SLC2A9: variants seen among roughly 807,000 people sequenced by gnomAD.
The protein encoded by SLC2A9 is solute carrier family 2 member 9.
A neutral mutation model predicts 50.6 loss-of-function variants in SLC2A9; 39 were observed. That is an observed-to-expected ratio of 0.77 (90% CI 0.60 to 1.01). SLC2A9 has a LOEUF of 1.01. Ranked by LOEUF, SLC2A9 falls within the 50% of genes least tolerant of loss-of-function variation. The pLI, the probability that SLC2A9 is intolerant of heterozygous loss-of-function variation, is 0.00. For synonymous variants in SLC2A9, 324 were observed against 276.9 expected, an observed-to-expected ratio of 1.17 and a Z score of -1.69; for missense variants, 686 against 677.6, an observed-to-expected ratio of 1.01 and a Z score of -0.14.
intron 6 of SLC2A9, among the ~76,000 whole-genome samples, chr4:9,933,805 G>A (rs1440410274): frequency 6.6e-6 from 1 of 152,190 alleles, no homozygotes; most frequent in Non-Finnish European, 1.5e-5. Context: ...CCGCCTGCTT[G>A]TCTTTTCCAG....
intron 2 of SLC2A9, among the ~76,000 whole-genome samples, chr4:10,011,786 AAGG>A (rs1761803188): frequency 6.6e-6 from 1 of 152,212 alleles, no homozygotes; most frequent in Non-Finnish European, 1.5e-5. Flanking sequence ...GAACAAAAGA[AAGG>A]AGATTAGAAA....
chr4:9,962,883 A>C lies in SLC2A9; in HGVS notation c.681+17709T>G, dbSNP rs77265107. 3.7e-3 allele frequency among the ~76,000 whole-genome samples: 569 copies of C among 152,164 alleles called. 3 individuals carry two copies. The highest frequency in any genetic ancestry group is 4.0e-3 in the Non-Finnish European group (275 of 68,020). ...TCACTCTCAGTTTCTAAATGTGCAGAGCTCCCTCTTGTTCTTTTTTTGTTT... is the reference window on the plus strand; with the variant it reads ...TCACTCTCAGTTTCTAAATGTGCAGCGCTCCCTCTTGTTCTTTTTTTGTTT... On this transcript the variant is annotated intron_variant, in intron 5 of 11. Transcript: ENST00000264784.
At chr4:9,793,585 T>C (rs1179650884) in intron 3 of SLC2A9, among the ~76,000 whole-genome samples, 6 of 152,240 alleles carry the variant, frequency 3.9e-5, no homozygotes, top group African/African-American at 1.4e-4. Flanking sequence ...AGGGCCCTGA[T>C]TGATTTTCTA....
rs1181046793 is a variant in SLC2A9 at position 9,782,789 on chromosome 4, G to A, written n.386-2724C>T. On this transcript the variant is annotated intron_variant and non_coding_transcript_variant, in intron 3 of 3. Transcript: ENST00000503803. ...CACGCGCATCTACCGCATCGCCCAGGTGCAGATCCGCAGGATTTCCTCCCT... is the reference window on the plus strand; with the variant it reads ...CACGCGCATCTACCGCATCGCCCAGATGCAGATCCGCAGGATTTCCTCCCT... 7 of 1,613,814 alleles carry A rather than the reference G, an allele frequency of 4.3e-6. No individual in the cohort carries two copies. The highest frequency in any genetic ancestry group is 3.3e-5 in the Admixed American group (2 of 60,002).
chr4:9,799,702 C>CCCT (rs1553813200), intron 3 of SLC2A9, among the ~76,000 whole-genome samples: 2 of 129,960 alleles, frequency 1.5e-5, no homozygotes, highest in Non-Finnish European at 3.2e-5. Context: ...ACCCCCCCCC[C>CCCT]ACCCAACTTC....
At chr4:9,795,904 A>G (rs1274527638), downstream of SLC2A9, among the ~76,000 whole-genome samples, 1 of 152,200 alleles carries the variant, frequency 6.6e-6, no homozygotes, top group African/African-American at 2.4e-5. Context: ...TGCTTGCTAC[A>G]TGCAAATGCT....
chr4:9,940,010 A>G (rs1461191764), intron 6 of SLC2A9, among the ~76,000 whole-genome samples: 1 of 152,158 alleles, frequency 6.6e-6, no homozygotes, highest in African/African-American at 2.4e-5. Flanking sequence ...CTCACTCCCT[A>G]CTGTGCTATG....
chr4:9,897,449 C>T (rs971765815), intron 8 of SLC2A9, among the ~76,000 whole-genome samples: 2 of 151,908 alleles, frequency 1.3e-5, no homozygotes, highest in Non-Finnish European at 2.9e-5. Flanking sequence ...GGAATGGGGT[C>T]TTTATTTTTA....
At chr4:9,890,751 A>G (rs1737252460) in intron 8 of SLC2A9, 40 bp from the exon 9 acceptor site, 1 of 1,550,482 alleles carries the variant, frequency 6.4e-7, no homozygotes, top group Non-Finnish European at 8.9e-7. Flanking sequence ...CTATTATTCC[A>G]TTTCTAACCA....
At chr4:9,934,983 G>A (rs1405332884) in intron 6 of SLC2A9, among the ~76,000 whole-genome samples, 1 of 152,146 alleles carries the variant, frequency 6.6e-6, no homozygotes. Flanking sequence ...CAAAGAATAT[G>A]ATCTAATTCC....
intron 3 of SLC2A9, among the ~76,000 whole-genome samples, chr4:9,809,862 T>TC (rs1207318790): frequency 6.6e-6 from 1 of 151,282 alleles, no homozygotes; most frequent in Non-Finnish European, 1.5e-5. Flanking sequence ...CTTTTTTTTT[T>TC]TTTTTAAATT....
At chr4:9,905,639 G>C (rs1740526037) in intron 8 of SLC2A9, among the ~76,000 whole-genome samples, 2 of 152,224 alleles carry the variant, frequency 1.3e-5, no homozygotes, top group South Asian at 4.1e-4. Flanking sequence ...CTGCCTGCCA[G>C]AGCATCGGGA....
At chr4:9,836,009 C>A (rs1360792863) in intron 10 of SLC2A9, among the ~76,000 whole-genome samples, 1 of 143,310 alleles carries the variant, frequency 7.0e-6, no homozygotes, top group Non-Finnish European at 1.5e-5. Context: ...ATCATTTGAA[C>A]CTGGAAGGTG....
intron 3 of SLC2A9, among the ~76,000 whole-genome samples, chr4:9,990,735 C>A (rs915333940): frequency 6.6e-6 from 1 of 152,142 alleles, no homozygotes; most frequent in African/African-American, 2.4e-5. Context: ...ACTTTGGAAC[C>A]CTGCCGTCCC....
chr4:9,850,899 G>T (rs115986796), intron 10 of SLC2A9, among the ~76,000 whole-genome samples: 1,535 of 152,174 alleles, frequency 0.01, 33 homozygotes, highest in African/African-American at 0.035. Flanking sequence ...TGCACAAATG[G>T]ACACTGGCAA....
At chr4:9,828,910 G>C (rs1333487659) in intron 11 of SLC2A9, among the ~76,000 whole-genome samples, 1 of 152,148 alleles carries the variant, frequency 6.6e-6, no homozygotes, top group African/African-American at 2.4e-5. Context: ...CTGATATACA[G>C]TAGATGCTCT....
intron 9 of SLC2A9, among the ~76,000 whole-genome samples, chr4:9,889,385 T>A (rs59815647): frequency 0.075 from 11,420 of 152,234 alleles, 1,021 homozygotes; most frequent in East Asian, 0.25. Flanking sequence ...GTTTGTGGGC[T>A]TCAGGCTTTC....
chr4:10,030,560 G>C (rs895696691), intron 1 of SLC2A9, among the ~76,000 whole-genome samples: 1 of 152,062 alleles, frequency 6.6e-6, no homozygotes, highest in Non-Finnish European at 1.5e-5. Flanking sequence ...GGGGTGATAG[G>C]CCATTCAAGT....
chr4:9,805,661 A>G (rs1468250365), intron 3 of SLC2A9, among the ~76,000 whole-genome samples: 2 of 148,518 alleles, frequency 1.3e-5, no homozygotes, highest in East Asian at 4.0e-4. Context: ...GCACCACTGC[A>G]CTTCAGCCTG....
Sources: gnomAD v4.1 joint callset for allele counts (sites outside exome capture counted in the v4.1 genomes callset) on GRCh38, gnomAD v4.1.1 for gene constraint, MANE v1.5 for transcripts, NCBI Gene and HGNC (gene_info 2026-07-23, HGNC 2026-07-21) for gene names.